Variants in ADGB observed in about 807,000 individuals in gnomAD.
ADGB encodes the protein calpain-7-like protein.
A neutral mutation model predicts 210.5 loss-of-function variants in ADGB; 172 were observed. The ratio of observed to expected loss-of-function variants is 0.82; its 90% CI spans 0.72 to 0.93. ADGB has a LOEUF of 0.93. Among genes scored for constraint, ADGB ranks in the 40% least tolerant of loss-of-function variants. The pLI is 0.00. For synonymous variants in ADGB, 658 were observed against 662.7 expected (o/e 0.99, Z 0.11); for missense variants, 2,025 against 1,964.8 (o/e 1.03, Z -0.58).
intron 5 of ADGB, among the ~76,000 whole-genome samples, chr6:146,661,829 T>C (rs756528558): frequency 7.2e-5 from 11 of 152,132 alleles, no homozygotes; most frequent in Non-Finnish European, 1.5e-4. Context: ...TATCTGAGAA[T>C]GTGTTTATTT....
Position 146,705,928 on chromosome 6 carries a change from A to G in ADGB, c.1707+4858A>G, listed in dbSNP as rs980340743. Reference sequence around the variant, plus strand: ...GTCCTGGACTTTTCTTTGATAGGAGACTTTTTATTTTAAGATATAGGGTCT... The same window carrying G: ...GTCCTGGACTTTTCTTTGATAGGAGGCTTTTTATTTTAAGATATAGGGTCT... On this transcript the variant is annotated intron_variant, in intron 13 of 35. Coordinates refer to ENST00000397944, the MANE Select transcript of ADGB (RefSeq NM_024694.4). Among the ~76,000 whole-genome samples the G allele has an allele frequency of 4.9e-4, 74 of 151,728 alleles. 3 individuals are homozygous for G. Among genetic ancestry groups the G allele is most frequent in the Non-Finnish European group, 2.9e-5 (2 of 67,932 alleles).
chr6:146,657,255 G>C (rs1023013248), intron 5 of ADGB, among the ~76,000 whole-genome samples: 3 of 151,734 alleles, frequency 2.0e-5, no homozygotes, highest in Admixed American at 6.6e-5. Context: ...GAACCCGGGA[G>C]GCAGAGGTTG....
intron 23 of ADGB, 55 bp from the exon 24 acceptor site, chr6:146,740,404 T>C (rs1020016649): frequency 4.6e-5 from 64 of 1,396,230 alleles, no homozygotes; most frequent in Non-Finnish European, 5.7e-5. Flanking sequence ...GTAAATAGAG[T>C]TTATCTTTAA....
In ADGB at chr6:146,676,382, C is replaced by T; in HGVS notation, c.1157C>T (p.Ser386Leu). Residue 386 changes from serine to leucine, a missense_variant, in exon 9 of 36, where the codon TCA becomes TTA. Physicochemically the swap from Ser to Leu is moderately radical, Grantham distance 145 (BLOSUM62 -2). Coordinates refer to ENST00000397944, the MANE Select transcript of ADGB (RefSeq NM_024694.4). The part of the protein sequence containing the change: ...KDGEKEKFKF[S>L]LHGSRPSSEV... ...GGAGAAAAAGAAAAATTCAAATTCT[C>T]ACTTCATGGTTCAAGACCCTCATCA... 1 of 1,548,860 alleles carries T rather than the reference C, an allele frequency of 6.5e-7. No individual in the cohort carries two copies. Among genetic ancestry groups the T allele is most frequent in the East Asian group, 2.5e-5 (1 of 40,776 alleles).
chr6:146,693,466 C>A (rs185210415), intron 12 of ADGB, among the ~76,000 whole-genome samples: 1 of 152,314 alleles, frequency 6.6e-6, no homozygotes, highest in East Asian at 1.9e-4. Flanking sequence ...TGGTCTCAGA[C>A]TTCCAGTCTC....
Position 146,635,383 on chromosome 6 carries a change from CT to C in ADGB, c.87del (p.Phe29LeufsTer28). On this transcript the variant is annotated frameshift_variant, in exon 2 of 36. Coordinates refer to ENST00000397944, the MANE Select transcript of ADGB (RefSeq NM_024694.4). LOFTEE classifies it high-confidence loss of function. ...TCTCTGTCTCTGTCTAGTTTCTATC[CT>C]TTTGGCAGTAATGTACAATCTGGTT... ...HGSDKSKDFY[P>X]FGSNVQSGST... The C allele has an allele frequency of 1.3e-6, 2 of 1,513,418 alleles. No individual in the cohort carries two copies. The highest frequency in any genetic ancestry group is 1.8e-6 in the Non-Finnish European group (2 of 1,129,250). The allele number at this position is 1,513,418 out of a possible 1,614,324, so 93.7% of individuals were successfully genotyped here.
intron 26 of ADGB, among the ~76,000 whole-genome samples, chr6:146,750,772 TCCAAACTA>T (rs1777309347): frequency 6.6e-6 from 1 of 152,134 alleles, no homozygotes; most frequent in Non-Finnish European, 1.5e-5. Context: ...GCAAGAGGTT[TCCAAACTA>T]TTGGTGAGGG....
chr6:146,766,423 T>C (rs991379414), intron 28 of ADGB, among the ~76,000 whole-genome samples: 5 of 128,074 alleles, frequency 3.9e-5, no homozygotes, highest in African/African-American at 2.0e-4. Flanking sequence ...CGAGGCTCTG[T>C]CTCAGTAAAA....
intron 35 of ADGB, among the ~76,000 whole-genome samples, chr6:146,811,360 T>C (rs555789044): frequency 2.6e-5 from 4 of 152,214 alleles, no homozygotes; most frequent in African/African-American, 9.6e-5. Flanking sequence ...TGTGTAACAT[T>C]CCATGGTACA....
chr6:146,799,534 A>AG (rs1298348937), intron 33 of ADGB, among the ~76,000 whole-genome samples: 921 of 69,586 alleles, frequency 0.013, 9 homozygotes, highest in African/African-American at 0.046. Flanking sequence ...CTCTGGGGGG[A>AG]GAAAAAAAAA....
chr6:146,656,732 GA>G (rs1341429603), intron 4 of ADGB, 38 bp from the exon 5 acceptor site: 16 of 1,411,430 alleles, frequency 1.1e-5, no homozygotes, highest in Non-Finnish European at 1.4e-5. Context: ...ACCTACAACT[GA>G]AAAATAACCA....
chr6:146,748,724 T>C (rs964418576), intron 26 of ADGB, among the ~76,000 whole-genome samples: 1 of 152,068 alleles, frequency 6.6e-6, no homozygotes, highest in Non-Finnish European at 1.5e-5. Flanking sequence ...TACGGGCACA[T>C]GCCACCATGC....
intron 13 of ADGB, among the ~76,000 whole-genome samples, chr6:146,701,525 T>TTC (rs1481903817): frequency 2.0e-5 from 3 of 152,104 alleles, no homozygotes; most frequent in Non-Finnish European, 4.4e-5. Flanking sequence ...TTTCTCACTA[T>TTC]TCTTGCTTTT....
At chr6:146,804,581 C>T (rs543312256) in intron 35 of ADGB, among the ~76,000 whole-genome samples, 1 of 152,270 alleles carries the variant, frequency 6.6e-6, no homozygotes, top group South Asian at 2.1e-4. Context: ...TCACTCCCCA[C>T]GTGCGATCAA....
At chr6:146,787,569 A>G (rs1777891490) in intron 32 of ADGB, among the ~76,000 whole-genome samples, 1 of 152,142 alleles carries the variant, frequency 6.6e-6, no homozygotes, top group Admixed American at 6.6e-5. Context: ...GGATATATCA[A>G]CTTTAATAAT....
intron 13 of ADGB, among the ~76,000 whole-genome samples, chr6:146,712,013 C>T (rs1413733351): frequency 6.7e-6 from 1 of 149,980 alleles, no homozygotes; most frequent in Non-Finnish European, 1.5e-5. Flanking sequence ...AATAAGATCA[C>T]ACTACTGAAC....
rs555114130 is a variant in ADGB at position 146,687,412 on chromosome 6, A to G, written c.1311+1584A>G. Reference sequence around the variant, plus strand: ...ATACCAGCAATGCCCCATCAATGATAGACTGAATAAAGAAAATATGGTACA... The same window carrying G: ...ATACCAGCAATGCCCCATCAATGATGGACTGAATAAAGAAAATATGGTACA... On this transcript the variant is annotated intron_variant, in intron 10 of 35. Transcript: ENST00000397944. Among the ~76,000 whole-genome samples the G allele has an allele frequency of 1.3e-3, 195 of 152,192 alleles. 5 individuals are homozygous for G. The highest frequency in any genetic ancestry group is 9.7e-4 in the East Asian group (5 of 5,168).
chr6:146,740,624 T>C, intron 24 of ADGB, 31 bp downstream of exon 24: 1 of 1,538,992 alleles, frequency 6.5e-7, no homozygotes, highest in Non-Finnish European at 8.8e-7. Context: ...CAAATATGTC[T>C]CTAAATGGCT....
chr6:146,704,695 T>C (rs140850867), intron 13 of ADGB, among the ~76,000 whole-genome samples: 4 of 152,088 alleles, frequency 2.6e-5, no homozygotes, highest in Non-Finnish European at 5.9e-5. Context: ...CTTTGTAGTG[T>C]ATTTTGAAGT....
Sources: allele counts gnomAD v4.1 joint callset (sites outside exome capture counted in the v4.1 genomes callset), GRCh38; gene constraint gnomAD v4.1.1; transcripts MANE v1.5; gene names NCBI Gene and HGNC (gene_info 2026-07-23, HGNC 2026-07-21).